The following LRP1B variants were observed in gnomAD, a reference collection of about 807,000 sequenced individuals.
LRP1B encodes LDL receptor related protein 1B.
A neutral mutation model predicts 556.6 loss-of-function variants in LRP1B; 217 were observed. The ratio of observed to expected loss-of-function variants is 0.39; its 90% CI spans 0.35 to 0.44. LRP1B has a LOEUF of 0.44. Among genes scored for constraint, LRP1B ranks in the 20% least tolerant of loss-of-function variants. The pLI is 1.00. For missense variants in LRP1B, 5,053 were observed against 5,620.8 expected (o/e 0.90, Z 3.23); for synonymous variants, 2,047 against 1,865.8 (o/e 1.10, Z -2.50).
At chr2:141,957,025 T>G (rs1460902836) in intron 1 of LRP1B, among the ~76,000 whole-genome samples, 1 of 152,064 alleles carries the variant, frequency 6.6e-6, no homozygotes, top group Non-Finnish European at 1.5e-5. Context: ...CAAAGAAACT[T>G]TTGAAGATGT....
intron 61 of LRP1B, 26 bp from the exon 62 acceptor site, chr2:140,456,629 A>G (rs747021419): frequency 1.9e-6 from 3 of 1,596,438 alleles, no homozygotes; most frequent in East Asian, 2.2e-5. Flanking sequence ...AAACAACAAC[A>G]ACAAAACAGG....
chr2:141,668,652 A>G (rs1245569666), intron 2 of LRP1B, among the ~76,000 whole-genome samples: 1 of 152,012 alleles, frequency 6.6e-6, no homozygotes, highest in African/African-American at 2.4e-5. Flanking sequence ...CTTCTCCACC[A>G]CTCACAAAAC....
At chr2:140,871,633 G>A (rs536807698) in intron 25 of LRP1B, among the ~76,000 whole-genome samples, 1 of 152,200 alleles carries the variant, frequency 6.6e-6, no homozygotes, top group South Asian at 2.1e-4. Flanking sequence ...CAGTTTCATG[G>A]AGATGTGAAA....
At chr2:141,039,995 C>T (rs1419615746) in intron 11 of LRP1B, among the ~76,000 whole-genome samples, 1 of 152,074 alleles carries the variant, frequency 6.6e-6, no homozygotes, top group East Asian at 1.9e-4. Flanking sequence ...TCACTGTCAA[C>T]AGGAGTCAGT....
intron 60 of LRP1B, among the ~76,000 whole-genome samples, chr2:140,472,165 A>G (rs1687797903): frequency 6.6e-6 from 1 of 152,130 alleles, no homozygotes; most frequent in Non-Finnish European, 1.5e-5. Context: ...CATCTTTACA[A>G]CACCAGGGGC....
intron 6 of LRP1B, among the ~76,000 whole-genome samples, chr2:141,191,121 T>G (rs1413316284): frequency 6.6e-6 from 1 of 151,986 alleles, no homozygotes; most frequent in Non-Finnish European, 1.5e-5. Flanking sequence ...TATCATGTTC[T>G]CTCCATAACT....
At chr2:141,818,289 G>C (rs1362096577) in intron 1 of LRP1B, among the ~76,000 whole-genome samples, 1 of 152,064 alleles carries the variant, frequency 6.6e-6, no homozygotes, top group African/African-American at 2.4e-5. Context: ...CAAGAACAAT[G>C]TTAGTTATAA....
At chr2:142,113,596 G>A (rs1707081878) in intron 1 of LRP1B, among the ~76,000 whole-genome samples, 1 of 151,928 alleles carries the variant, frequency 6.6e-6, no homozygotes, top group Non-Finnish European at 1.5e-5. Context: ...CAACAATGTT[G>A]TGTTCATGGT....
chr2:141,178,451 A>G (rs919355074), intron 7 of LRP1B, among the ~76,000 whole-genome samples: 2 of 152,124 alleles, frequency 1.3e-5, no homozygotes, highest in African/African-American at 4.8e-5. Flanking sequence ...GGATTCAGAT[A>G]TCTTTGAGCC....
chr2:140,831,320 C>A (rs989739828), intron 31 of LRP1B, among the ~76,000 whole-genome samples: 1 of 152,034 alleles, frequency 6.6e-6, no homozygotes, highest in Admixed American at 6.5e-5. Flanking sequence ...GATATAAAAA[C>A]AGACATAGAG....
At chr2:140,541,668 T>A in intron 44 of LRP1B, 111 bp downstream of exon 44, 1 of 869,628 alleles carries the variant, frequency 1.1e-6, no homozygotes, top group Non-Finnish European at 1.7e-6. Flanking sequence ...CAAAAAATAA[T>A]ATTTTTTAAA....
intron 1 of LRP1B, among the ~76,000 whole-genome samples, chr2:142,060,366 G>A (rs199804754): frequency 6.6e-6 from 1 of 152,008 alleles, no homozygotes; most frequent in African/African-American, 2.4e-5. Flanking sequence ...AAGGTTAAAT[G>A]CAAGAACCTC....
At chr2:141,103,468 C>T (rs1212947261) in intron 7 of LRP1B, among the ~76,000 whole-genome samples, 1 of 148,070 alleles carries the variant, frequency 6.8e-6, no homozygotes, top group African/African-American at 2.6e-5. Flanking sequence ...TACAGATTGA[C>T]TAATTAAATT....
chr2:140,487,890 A>G (rs1190425076), intron 57 of LRP1B, 151 bp from the exon 58 acceptor site: 2 of 468,784 alleles, frequency 4.3e-6, no homozygotes, highest in Admixed American at 4.1e-5. Context: ...CATTAAAAGT[A>G]TCATATATTC....
intron 35 of LRP1B, among the ~76,000 whole-genome samples, chr2:140,723,397 G>C (rs576272837): frequency 6.6e-6 from 1 of 152,116 alleles, no homozygotes; most frequent in African/African-American, 2.4e-5. Context: ...GTGCAACATG[G>C]GCAAGGAAAA....
At chr2:140,583,134 T>C (rs547272590) in intron 43 of LRP1B, among the ~76,000 whole-genome samples, 1 of 151,392 alleles carries the variant, frequency 6.6e-6, no homozygotes, top group East Asian at 1.9e-4. Flanking sequence ...AGCATGAGTC[T>C]ACTGAAAGTT....
At chr2:141,093,052 T>TG (rs1030690406) in intron 7 of LRP1B, among the ~76,000 whole-genome samples, 1 of 150,880 alleles carries the variant, frequency 6.6e-6, no homozygotes, top group East Asian at 1.9e-4. Context: ...TTTTTGTTGT[T>TG]TTTTTTTTGT....
intron 7 of LRP1B, among the ~76,000 whole-genome samples, chr2:141,178,485 A>C (rs989109238): frequency 1.3e-5 from 2 of 152,124 alleles, no homozygotes; most frequent in African/African-American, 4.8e-5. Flanking sequence ...GTTGCTGTAC[A>C]AAAGGAACTA....
intron 3 of LRP1B, among the ~76,000 whole-genome samples, chr2:141,402,178 T>C (rs943911031): frequency 6.6e-6 from 1 of 152,152 alleles, no homozygotes; most frequent in Non-Finnish European, 1.5e-5. Flanking sequence ...TCAAATAAGG[T>C]TGGCCTCATG....
Sources: gnomAD v4.1 joint callset for allele counts (sites outside exome capture counted in the v4.1 genomes callset) on GRCh38, gnomAD v4.1.1 for gene constraint, MANE v1.5 for transcripts, NCBI Gene and HGNC (gene_info 2026-07-23, HGNC 2026-07-21) for gene names.